The following RBFOX3 variants were observed in gnomAD, a reference collection of about 807,000 sequenced individuals.
RBFOX3 encodes RNA binding protein fox-1 homolog 3.
In RBFOX3, 17 loss-of-function variants were observed where a neutral mutation model predicts 48.7. The observed-to-expected ratio is 0.35, with a 90% CI of 0.24 to 0.52. The LOEUF (loss-of-function observed/expected upper bound fraction) is 0.52, where lower values mean the gene tolerates loss of function less well. Ranked by LOEUF, RBFOX3 falls within the 20% of genes least tolerant of loss-of-function variation. The probability of loss-of-function intolerance (pLI) is 0.94; values close to 1 mark genes in which losing one functional copy is unlikely to be tolerated. For missense variants in RBFOX3, 382 were observed against 497.5 expected (o/e 0.77, Z 2.21); for synonymous variants, 212 against 209.5 (o/e 1.01, Z -0.10).
chr17:79,620,011 G>GCA, the RBFOX3 span, among the ~76,000 whole-genome samples: 6 of 142,418 alleles, frequency 4.2e-5, no homozygotes, highest in African/African-American at 7.8e-5. Context: ...ACATGCACAT[G>GCA]CACACACACA....
At chr17:79,587,714 T>A (rs1212643804) in intron 1 of RBFOX3, among the ~76,000 whole-genome samples, 3 of 152,094 alleles carry the variant, frequency 2.0e-5, no homozygotes, top group African/African-American at 7.2e-5. Flanking sequence ...AGCAGGTATG[T>A]AACCAGGGAA....
intron 2 of RBFOX3, among the ~76,000 whole-genome samples, chr17:79,439,732 C>G (rs1555733566): frequency 3.9e-5 from 6 of 152,254 alleles, no homozygotes; most frequent in Non-Finnish European, 1.5e-5. Context: ...ACACCACACA[C>G]CGTGCATATG....
At chr17:79,139,299 C>G (rs2041408647) in intron 4 of RBFOX3, among the ~76,000 whole-genome samples, 1 of 152,136 alleles carries the variant, frequency 6.6e-6, no homozygotes, top group African/African-American at 2.4e-5. Flanking sequence ...CTGTGCCCAC[C>G]CCAGAGGAGG....
chr17:79,497,791 C>T (rs1377852432), intron 1 of RBFOX3, among the ~76,000 whole-genome samples: 2 of 152,216 alleles, frequency 1.3e-5, no homozygotes, highest in African/African-American at 4.8e-5. Flanking sequence ...AAGCTGCTCC[C>T]CTCCCCTCTG....
intron 1 of RBFOX3, among the ~76,000 whole-genome samples, chr17:79,596,216 A>C (rs2093565882): frequency 6.6e-6 from 1 of 152,188 alleles, no homozygotes; most frequent in African/African-American, 2.4e-5. Flanking sequence ...TCCAAGGTTC[A>C]CTTCCAAGGA....
At chr17:79,436,943 G>A (rs2069600912) in intron 2 of RBFOX3, among the ~76,000 whole-genome samples, 1 of 152,166 alleles carries the variant, frequency 6.6e-6, no homozygotes, top group South Asian at 2.1e-4. Context: ...AGGAGGAGGG[G>A]TGCTGTGGCC....
At chr17:79,330,234 G>A (rs1050300194) in intron 2 of RBFOX3, among the ~76,000 whole-genome samples, 25 of 152,150 alleles carry the variant, frequency 1.6e-4, no homozygotes, top group African/African-American at 3.6e-4. Context: ...CCTGACCCCC[G>A]GTAGAGTAGA....
intron 2 of RBFOX3, among the ~76,000 whole-genome samples, chr17:79,331,507 C>G (rs540080461): frequency 6.6e-6 from 1 of 152,304 alleles, no homozygotes; most frequent in Non-Finnish European, 1.5e-5. Flanking sequence ...AGGCCTCTGC[C>G]CCCCCTGGAC....
At chr17:79,457,490 C>T (rs560163773) in intron 2 of RBFOX3, among the ~76,000 whole-genome samples, 12 of 152,320 alleles carry the variant, frequency 7.9e-5, no homozygotes, top group East Asian at 3.9e-4. Flanking sequence ...CCTTCTAACG[C>T]GCCTTCATGT....
At chr17:79,647,885 G>C in the RBFOX3 span, among the ~76,000 whole-genome samples, 2 of 149,340 alleles carry the variant, frequency 1.3e-5, no homozygotes, top group African/African-American at 2.5e-5. Flanking sequence ...CCTGGGGGTG[G>C]AGTGGTAGAG....
intron 10 of RBFOX3, 57 bp from the exon 11 acceptor site, chr17:79,097,481 C>G: frequency 6.8e-7 from 1 of 1,474,034 alleles, no homozygotes; most frequent in South Asian, 1.3e-5. Context: ...CCACCTGGCA[C>G]CCCCTCCCCG....
At chr17:79,344,275 G>A (rs193129596) in intron 2 of RBFOX3, among the ~76,000 whole-genome samples, 2 of 152,232 alleles carry the variant, frequency 1.3e-5, no homozygotes, top group Non-Finnish European at 2.9e-5. Flanking sequence ...TTGATTTGGG[G>A]GAAATTTTAA....
At chr17:79,196,468 C>T (rs1033252552) in intron 4 of RBFOX3, among the ~76,000 whole-genome samples, 3 of 152,206 alleles carry the variant, frequency 2.0e-5, no homozygotes, top group Admixed American at 6.5e-5. Context: ...CCCACAATAC[C>T]TTGTGAGGAT....
chr17:79,381,021 A>G (rs1456098666), intron 2 of RBFOX3, among the ~76,000 whole-genome samples: 1 of 152,126 alleles, frequency 6.6e-6, no homozygotes, highest in Non-Finnish European at 1.5e-5. Flanking sequence ...CAGCACTTTG[A>G]GAGGCTGAGG....
chr17:79,620,171 AC>A, the RBFOX3 span, among the ~76,000 whole-genome samples: 2 of 140,094 alleles, frequency 1.4e-5, no homozygotes, highest in East Asian at 7.4e-4. Context: ...ACATGCACAC[AC>A]ATGCACACAC....
intron 3 of RBFOX3, among the ~76,000 whole-genome samples, chr17:79,266,418 G>A (rs758150331): frequency 5.9e-5 from 9 of 152,214 alleles, no homozygotes; most frequent in Non-Finnish European, 1.2e-4. Context: ...TCTGTGTTCT[G>A]TTGGGACTGT....
At chr17:79,217,558 A>G (rs2059213271) in intron 4 of RBFOX3, among the ~76,000 whole-genome samples, 2 of 152,220 alleles carry the variant, frequency 1.3e-5, no homozygotes, top group South Asian at 4.2e-4. Flanking sequence ...CTGCAGGCAG[A>G]GGGGAGATGG....
chr17:79,606,062 C>T (rs2093823213), intron 1 of RBFOX3, among the ~76,000 whole-genome samples: 3 of 152,192 alleles, frequency 2.0e-5, no homozygotes, highest in African/African-American at 7.2e-5. Context: ...GTCAATGTTT[C>T]GAGTGCAGTG....
chr17:79,314,672 A>C (rs1437834815), intron 2 of RBFOX3, among the ~76,000 whole-genome samples: 2 of 152,262 alleles, frequency 1.3e-5, no homozygotes, highest in Admixed American at 6.5e-5. Context: ...CCAGAGCTGC[A>C]GAAACCATGT....
Sources: gnomAD v4.1 joint callset for allele counts (sites outside exome capture counted in the v4.1 genomes callset) on GRCh38, gnomAD v4.1.1 for gene constraint, MANE v1.5 for transcripts, NCBI Gene and HGNC (gene_info 2026-07-23, HGNC 2026-07-21) for gene names.